The following DNAAF4 variants were observed in gnomAD, a reference collection of about 807,000 sequenced individuals.
DNAAF4 encodes dynein assembly factor 4, axonemal.
A neutral mutation model predicts 51.8 loss-of-function variants in DNAAF4; 43 were observed. The observed-to-expected ratio is 0.83, with a 90% confidence interval of 0.65 to 1.07. The LOEUF is 1.07. DNAAF4 is among the 50% of genes least tolerant of loss of function. The probability of loss-of-function intolerance (pLI) is 0.00; values close to 1 mark genes in which losing one functional copy is unlikely to be tolerated. For missense variants in DNAAF4, 581 were observed against 493.0 expected (o/e 1.18, Z -1.69); for synonymous variants, 194 against 165.6 (o/e 1.17, Z -1.32).
chr15:55,430,258 C>G, downstream of DNAAF4: 1 of 486,328 alleles, frequency 2.1e-6, no homozygotes, highest in Non-Finnish European at 2.7e-6. Context: ...ATTTATTATA[C>G]CAAAGTCAAC....
chr15:55,442,594 G>A, intron 6 of DNAAF4: 2 of 1,346,264 alleles, frequency 1.5e-6, no homozygotes, highest in African/African-American at 1.4e-5. Flanking sequence ...TGCTTCTTCT[G>A]GAGGGGAGAG....
At chr15:55,432,470 C>T in intron 9 of DNAAF4, 27 bp downstream of exon 9, 1 of 1,580,530 alleles carries the variant, frequency 6.3e-7, no homozygotes, top group South Asian at 1.1e-5. Context: ...TAACTTGGGA[C>T]TTAAACCATT....
intron 5 of DNAAF4, among the ~76,000 whole-genome samples, chr15:55,454,400 CAG>C (rs2057985965): frequency 6.6e-6 from 1 of 151,884 alleles, no homozygotes; most frequent in Non-Finnish European, 1.5e-5. Context: ...GTTTTTGAGA[CAG>C]AGTCTCACTC....
At chr15:55,425,040 T>C (rs1223994521) in intron 7 of DNAAF4, among the ~76,000 whole-genome samples, 2 of 152,086 alleles carry the variant, frequency 1.3e-5, no homozygotes, top group Non-Finnish European at 2.9e-5. Context: ...TAATTTTGTA[T>C]TGTTAGTAGA....
In DNAAF4 at chr15:55,466,916, C is replaced by T. The variant is rs759280683; in HGVS notation, c.637+14G>A. The T allele has an allele frequency of 6.3e-7, 1 of 1,581,150 alleles. No individual in the cohort carries two copies. The highest frequency in any genetic ancestry group is 1.2e-5 in the South Asian group (1 of 83,232). ...AACAGGACTCACTACTCAAGAAATT[C>T]TTAATCATTTTACCTTTTGGAGCAA... On this transcript the variant is annotated intron_variant, in intron 5 of 9. Coordinates refer to ENST00000321149, the MANE Select transcript of DNAAF4 (RefSeq NM_130810.4).
At chr15:55,477,955 A>G (rs1019310584) in intron 4 of DNAAF4, among the ~76,000 whole-genome samples, 1 of 152,090 alleles carries the variant, frequency 6.6e-6, no homozygotes, top group South Asian at 2.1e-4. Flanking sequence ...AGGTGCCTGT[A>G]ACCCCAGCAC....
intron 4 of DNAAF4, among the ~76,000 whole-genome samples, chr15:55,489,875 GTT>G (rs869277272): frequency 6.5e-5 from 9 of 137,762 alleles, no homozygotes; most frequent in Admixed American, 7.3e-5. Flanking sequence ...GAGATAAGAA[GTT>G]TTTTTTTTTT....
At position 55,498,518 on chromosome 15, in the gene DNAAF4, A is replaced by C; in HGVS notation, c.-189T>G. The C allele has an allele frequency of 1.9e-6, 1 of 531,732 alleles. No individual in the cohort carries two copies. Among genetic ancestry groups the C allele is most frequent in the Non-Finnish European group, 3.0e-6 (1 of 336,318 alleles). The allele number at this position is 531,732 out of a possible 1,614,324, so 32.9% of individuals were successfully genotyped here. On this transcript the variant is annotated 5_prime_UTR_variant, in exon 2 of 10. Coordinates refer to ENST00000321149, the MANE Select transcript of DNAAF4 (RefSeq NM_130810.4). The stretch of plus-strand genomic sequence containing the variant: ...GACTATCCAGGCGCCCAGACCAGAG[A>C]GTGATGCCGATTCTTGGGGTTACCT...
At chr15:55,500,295 T>C (rs1263531283) in intron 1 of DNAAF4, among the ~76,000 whole-genome samples, 1 of 152,208 alleles carries the variant, frequency 6.6e-6, no homozygotes, top group Non-Finnish European at 1.5e-5. Context: ...CTTTGAATAC[T>C]GGGAGTCATC....
chr15:55,443,097 C>A (rs1173924597), intron 6 of DNAAF4: 6 of 1,610,570 alleles, frequency 3.7e-6, no homozygotes, highest in Non-Finnish European at 5.1e-6. Flanking sequence ...AGTCTTGAAT[C>A]CTTTCAGTAG....
At chr15:55,500,523 G>T (rs1166768794) in intron 1 of DNAAF4, among the ~76,000 whole-genome samples, 1 of 152,152 alleles carries the variant, frequency 6.6e-6, no homozygotes, top group Non-Finnish European at 1.5e-5. Context: ...AAATATGTGA[G>T]ATTTTATATG....
At chr15:55,497,897 C>A in intron 2 of DNAAF4, 38 bp from the exon 3 acceptor site, 1 of 1,567,672 alleles carries the variant, frequency 6.4e-7, no homozygotes, top group Non-Finnish European at 8.6e-7. Context: ...AAGTTAGTTA[C>A]ACAAATTAAG....
At chr15:55,452,814 A>G (rs2057956114) in intron 5 of DNAAF4, among the ~76,000 whole-genome samples, 1 of 152,230 alleles carries the variant, frequency 6.6e-6, no homozygotes, top group African/African-American at 2.4e-5. Flanking sequence ...TTTAGATGCA[A>G]ATAGATTAAT....
chr15:55,469,691 T>C (rs557939570), intron 4 of DNAAF4, among the ~76,000 whole-genome samples: 183 of 151,688 alleles, frequency 1.2e-3, no homozygotes, highest in African/African-American at 3.8e-3. Context: ...GGGGTTTCAC[T>C]GTGTTAGCCA....
At chr15:55,493,655 A>C (rs1017886257) in intron 3 of DNAAF4, among the ~76,000 whole-genome samples, 1 of 152,072 alleles carries the variant, frequency 6.6e-6, no homozygotes, top group Non-Finnish European at 1.5e-5. Context: ...TTTTATGTGA[A>C]AAAAAAATGG....
At chr15:55,487,523 T>C (rs980715880) in intron 4 of DNAAF4, among the ~76,000 whole-genome samples, 1 of 152,134 alleles carries the variant, frequency 6.6e-6, no homozygotes, top group Admixed American at 6.6e-5. Context: ...TGTGGAAGCT[T>C]TGTTCTTTCA....
intron 7 of DNAAF4, chr15:55,418,388 A>G (rs951841189): frequency 6.5e-7 from 1 of 1,535,020 alleles, no homozygotes; most frequent in South Asian, 1.2e-5. Flanking sequence ...GTATAAAACC[A>G]ATTCAAGTCA....
Position 55,446,790 on chromosome 15 carries a change from A to C in DNAAF4, c.783+3432T>G, listed in dbSNP as rs1232401409. 5.9e-4 allele frequency among the ~76,000 whole-genome samples: 56 copies of C among 94,888 alleles called. 1 individual carries two copies. The Admixed American group carries it at 6.0e-3, about 10-fold the overall frequency. 62.3% of individuals were successfully genotyped at this position (94,888 alleles called of 152,430 possible). A position where few individuals can be genotyped will look rare whatever the true frequency, so the allele number is the denominator to read the frequency against. On this transcript the variant is annotated intron_variant, in intron 6 of 9. Transcript: ENST00000321149. Reference sequence around the variant, plus strand: ...GTGGCCAGGCAGAGGCGCTCCTCACATCCCAGATGGGGCGGCCGGGCAGAG... The same window carrying C: ...GTGGCCAGGCAGAGGCGCTCCTCACCTCCCAGATGGGGCGGCCGGGCAGAG...
intron 7 of DNAAF4, among the ~76,000 whole-genome samples, chr15:55,420,898 C>A (rs1370654775): frequency 4.6e-5 from 7 of 151,954 alleles, no homozygotes; most frequent in African/African-American, 1.7e-4. Flanking sequence ...TTGCTAAATT[C>A]TCAGGATTGG....
Sources: gnomAD v4.1 joint callset for allele counts (sites outside exome capture counted in the v4.1 genomes callset) on GRCh38, gnomAD v4.1.1 for gene constraint, MANE v1.5 for transcripts, NCBI Gene and HGNC (gene_info 2026-07-23, HGNC 2026-07-21) for gene names.